NFIB: variants seen among roughly 807,000 people sequenced by gnomAD.
NFIB encodes nuclear factor 1 B-type.
NFIB carries 11 observed loss-of-function variants against 61.5 expected under a neutral mutation model. The ratio of observed to expected loss-of-function variants is 0.18; its 90% CI spans 0.11 to 0.30. The LOEUF is 0.30. NFIB is among the 10% of genes least tolerant of loss of function. The pLI is 1.00. For synonymous variants in NFIB, 260 were observed against 216.5 expected (o/e 1.20, Z -1.76); for missense variants, 471 against 608.9 (o/e 0.77, Z 2.38).
the NFIB span, among the ~76,000 whole-genome samples, chr9:14,488,309 G>C: frequency 6.6e-6 from 1 of 151,094 alleles, no homozygotes; most frequent in Non-Finnish European, 1.5e-5. Flanking sequence ...GCTTCGGTGA[G>C]CCATGATCAC....
chr9:14,322,788 T>G (rs1241806283), intron 1 of NFIB, among the ~76,000 whole-genome samples: 1 of 149,728 alleles, frequency 6.7e-6, no homozygotes, highest in Non-Finnish European at 1.5e-5. Context: ...CGAGCGTGGG[T>G]GGGTGCGTGG....
intron 6 of NFIB, among the ~76,000 whole-genome samples, chr9:14,138,589 A>G (rs1477886735): frequency 6.6e-6 from 1 of 152,122 alleles, no homozygotes; most frequent in Non-Finnish European, 1.5e-5. Flanking sequence ...ATTCAGATCT[A>G]TTTACATGCA....
At chr9:14,418,118 T>C in the NFIB span, among the ~76,000 whole-genome samples, 533 of 152,300 alleles carry the variant, frequency 3.5e-3, 5 homozygotes, top group African/African-American at 0.012. Context: ...CAGGAAGTGT[T>C]AATGTACTCA....
the NFIB span, among the ~76,000 whole-genome samples, chr9:14,413,031 C>T: frequency 6.6e-6 from 1 of 152,158 alleles, no homozygotes; most frequent in East Asian, 1.9e-4. Context: ...GCACTGCCAT[C>T]TCTAACTGGA....
chr9:14,511,723 AT>A, the NFIB span, among the ~76,000 whole-genome samples: 4 of 152,214 alleles, frequency 2.6e-5, no homozygotes, highest in Admixed American at 2.0e-4. Context: ...TTTGGTTCTA[AT>A]TCTGAAATTT....
intron 2 of NFIB, among the ~76,000 whole-genome samples, chr9:14,259,961 T>C (rs1020633336): frequency 6.6e-6 from 1 of 152,128 alleles, no homozygotes; most frequent in African/African-American, 2.4e-5. Flanking sequence ...GATATTTTAG[T>C]TGACTGGGGC....
the NFIB span, among the ~76,000 whole-genome samples, chr9:14,452,015 CG>C: frequency 9.2e-5 from 14 of 152,054 alleles, no homozygotes; most frequent in African/African-American, 3.4e-4. Flanking sequence ...CAAGTTAATC[CG>C]GGATGTCTGC....
intron 2 of NFIB, among the ~76,000 whole-genome samples, chr9:14,296,052 C>T (rs1486410424): frequency 6.6e-6 from 1 of 152,218 alleles, no homozygotes; most frequent in Non-Finnish European, 1.5e-5. Context: ...CAAATATTCA[C>T]GCGCACTACA....
the NFIB span, among the ~76,000 whole-genome samples, chr9:14,430,326 C>G: frequency 6.6e-6 from 1 of 151,666 alleles, no homozygotes; most frequent in Non-Finnish European, 1.5e-5. Flanking sequence ...CGAATTAAGA[C>G]TTCTTCTTGC....
the NFIB span, among the ~76,000 whole-genome samples, chr9:14,479,509 C>T: frequency 2.0e-5 from 3 of 152,260 alleles, no homozygotes; most frequent in Admixed American, 6.5e-5. Context: ...TACAGCCTAC[C>T]TCATACACAG....
At chr9:14,203,185 A>G (rs2049250248) in intron 2 of NFIB, among the ~76,000 whole-genome samples, 1 of 151,906 alleles carries the variant, frequency 6.6e-6, no homozygotes, top group Non-Finnish European at 1.5e-5. Flanking sequence ...TCCTAAAGCA[A>G]TTGTTTCAGT....
chr9:14,330,167 C>A (rs1229290963), intron 1 of NFIB, among the ~76,000 whole-genome samples: 3 of 152,010 alleles, frequency 2.0e-5, no homozygotes, highest in Non-Finnish European at 4.4e-5. Context: ...CAAACGAAAA[C>A]CAGTAACAGA....
At chr9:14,407,548 A>G in the NFIB span, among the ~76,000 whole-genome samples, 1 of 152,198 alleles carries the variant, frequency 6.6e-6, no homozygotes, top group African/African-American at 2.4e-5. Flanking sequence ...GTTAGAGGAT[A>G]AACAAACTTC....
chr9:14,446,694 G>T, the NFIB span, among the ~76,000 whole-genome samples: 1 of 151,806 alleles, frequency 6.6e-6, no homozygotes, highest in Non-Finnish European at 1.5e-5. Context: ...CAATATCCGG[G>T]CCCATACTAG....
chr9:14,138,823 G>A (rs1447392089), intron 6 of NFIB, among the ~76,000 whole-genome samples: 1 of 151,996 alleles, frequency 6.6e-6, no homozygotes, highest in Non-Finnish European at 1.5e-5. Flanking sequence ...TTCTTCAAAA[G>A]CATTCATATC....
At chr9:14,491,409 A>G in the NFIB span, among the ~76,000 whole-genome samples, 1 of 152,224 alleles carries the variant, frequency 6.6e-6, no homozygotes, top group Non-Finnish European at 1.5e-5. Context: ...AGTGGCAACA[A>G]AATGTAAAAT....
chr9:14,344,113 A>AG (rs1491568081), intron 1 of NFIB, among the ~76,000 whole-genome samples: 1 of 121,144 alleles, frequency 8.3e-6, no homozygotes, highest in African/African-American at 2.7e-5. Flanking sequence ...AGAGAAAGAG[A>AG]GAGAGAGAGA....
At chr9:14,230,697 A>C (rs1390723991) in intron 2 of NFIB, among the ~76,000 whole-genome samples, 1 of 152,192 alleles carries the variant, frequency 6.6e-6, no homozygotes, top group Non-Finnish European at 1.5e-5. Flanking sequence ...TTTAGGTAGA[A>C]AAAAGTAGCA....
chr9:14,187,051 G>A (rs1435729932), intron 2 of NFIB, among the ~76,000 whole-genome samples: 6 of 149,334 alleles, frequency 4.0e-5, no homozygotes, highest in South Asian at 4.2e-4. Context: ...GTGTGTGTGT[G>A]TGTGTGTGTG....
Sources: allele counts gnomAD v4.1 joint callset (sites outside exome capture counted in the v4.1 genomes callset), GRCh38; gene constraint gnomAD v4.1.1; transcripts MANE v1.5; gene names NCBI Gene and HGNC (gene_info 2026-07-23, HGNC 2026-07-21).